The following SETBP1 variants were observed in gnomAD, a reference collection of about 807,000 sequenced individuals.
SETBP1 encodes the protein SET-binding protein.
Under a neutral mutation model 101.0 loss-of-function variants are expected in SETBP1, and 9 were observed. The observed-to-expected ratio is 0.09, with a 90% CI of 0.05 to 0.16. The LOEUF (loss-of-function observed/expected upper bound fraction) is 0.16. Ranked by LOEUF, SETBP1 falls within the 10% of genes least tolerant of loss-of-function variation. The pLI, the probability that SETBP1 is intolerant of heterozygous loss-of-function variation, is 1.00. For synonymous variants in SETBP1, 818 were observed against 788.5 expected (o/e 1.04, Z -0.63); for missense variants, 1,858 against 2,033.8 (o/e 0.91, Z 1.66).
chr18:44,870,461 G>A (rs1271602220), intron 3 of SETBP1: 1 of 152,180 alleles, frequency 6.6e-6, no homozygotes, highest in Non-Finnish European at 1.5e-5. Flanking sequence ...CACCAGTGTG[G>A]GGTGTTGTCA....
At chr18:45,028,531 T>C (rs1360401810) in intron 4 of SETBP1, among the ~76,000 whole-genome samples, 1 of 152,148 alleles carries the variant, frequency 6.6e-6, no homozygotes, top group African/African-American at 2.4e-5. Context: ...TACCCAGTAA[T>C]GGGATGGCTG....
intron 4 of SETBP1, among the ~76,000 whole-genome samples, chr18:45,034,605 T>C (rs1315547330): frequency 2.0e-5 from 3 of 152,262 alleles, no homozygotes; most frequent in Non-Finnish European, 4.4e-5. Flanking sequence ...TTAAGTTTTC[T>C]GTATTTCCTT....
intron 1 of SETBP1, among the ~76,000 whole-genome samples, chr18:44,700,723 T>C (rs1182913438): frequency 1.3e-5 from 2 of 152,138 alleles, no homozygotes; most frequent in Admixed American, 1.3e-4. Flanking sequence ...GCCTGGGGGT[T>C]GTGCTCAGCT....
intron 3 of SETBP1, among the ~76,000 whole-genome samples, chr18:44,916,749 T>A (rs1192512109): frequency 2.0e-5 from 3 of 152,244 alleles, no homozygotes; most frequent in African/African-American, 7.2e-5. Flanking sequence ...CCAACTTTGC[T>A]ATTCATTCTG....
chr18:44,753,371 C>T (rs1241484466), intron 2 of SETBP1, among the ~76,000 whole-genome samples: 2 of 152,222 alleles, frequency 1.3e-5, no homozygotes, highest in African/African-American at 2.4e-5. Flanking sequence ...TGGGAAACAT[C>T]ATTTTAAGGA....
In SETBP1 at chr18:45,015,155, G is replaced by A. The variant is rs571895246; in HGVS notation, c.4001-23330G>A. ...GTAGAAAGGAATGACCCCAAACCTG[G>A]CCAGAGCAGAAGAGGGGGAGCCTCA... On this transcript the variant is annotated intron_variant, in intron 4 of 5. Coordinates refer to ENST00000649279, the MANE Select transcript of SETBP1 (RefSeq NM_015559.3). Among the ~76,000 whole-genome samples the A allele has an allele frequency of 2.6e-5, 4 of 152,314 alleles. No individual in the cohort carries two copies. In the South Asian group the frequency reaches 6.2e-4, roughly 24 times the overall value.
At chr18:45,030,879 G>A (rs1228765534) in intron 4 of SETBP1, among the ~76,000 whole-genome samples, 1 of 151,886 alleles carries the variant, frequency 6.6e-6, no homozygotes, top group African/African-American at 2.4e-5. Context: ...ATTTTTTATT[G>A]CGTCTATTTG....
chr18:44,767,905 C>A (rs2070792579), intron 2 of SETBP1, among the ~76,000 whole-genome samples: 1 of 152,196 alleles, frequency 6.6e-6, no homozygotes, highest in Non-Finnish European at 1.5e-5. Context: ...AAAGGATAGT[C>A]CATTTTGAAA....
At chr18:45,052,202 G>A (rs757390035) in intron 5 of SETBP1, among the ~76,000 whole-genome samples, 6 of 152,182 alleles carry the variant, frequency 3.9e-5, no homozygotes, top group Non-Finnish European at 8.8e-5. Context: ...TACGAAGAGC[G>A]TTCATATAGA....
intron 4 of SETBP1, among the ~76,000 whole-genome samples, chr18:44,978,697 G>T (rs577495141): frequency 6.6e-6 from 1 of 152,274 alleles, no homozygotes; most frequent in South Asian, 2.1e-4. Context: ...ACCAACCATA[G>T]TGAGTCTTTT....
chr18:44,972,721 G>A (rs915303521), intron 4 of SETBP1, among the ~76,000 whole-genome samples: 8 of 152,100 alleles, frequency 5.3e-5, no homozygotes, highest in African/African-American at 9.7e-5. Context: ...TTTTCACATC[G>A]ATTTTGTATC....
chr18:44,880,917 A>G (rs1481824387), intron 3 of SETBP1, among the ~76,000 whole-genome samples: 1 of 152,200 alleles, frequency 6.6e-6, no homozygotes, highest in Non-Finnish European at 1.5e-5. Flanking sequence ...AACTATATCA[A>G]GCATGGTGTA....
chr18:44,992,000 T>C (rs1380398934), intron 4 of SETBP1, among the ~76,000 whole-genome samples: 1 of 152,128 alleles, frequency 6.6e-6, no homozygotes, highest in Non-Finnish European at 1.5e-5. Flanking sequence ...CCCCAAATCA[T>C]TGGAAGTTAG....
At chr18:44,747,430 T>C (rs2070280055) in intron 2 of SETBP1, among the ~76,000 whole-genome samples, 1 of 152,252 alleles carries the variant, frequency 6.6e-6, no homozygotes, top group East Asian at 1.9e-4. Flanking sequence ...AATTCTCCTT[T>C]TATTAAGAGT....
At chr18:44,929,050 T>G (rs2070766643) in intron 3 of SETBP1, among the ~76,000 whole-genome samples, 1 of 152,222 alleles carries the variant, frequency 6.6e-6, no homozygotes, top group Non-Finnish European at 1.5e-5. Flanking sequence ...CTTCTAGGGT[T>G]TTTATGGCTT....
rs1296556068 is a variant in SETBP1 at position 44,763,252 on chromosome 18, T to A, written c.486+61420T>A. 2.0e-5 allele frequency among the ~76,000 whole-genome samples: 3 copies of A among 152,252 alleles called. No individual in the cohort carries two copies. The South Asian group carries it at 6.2e-4, about 32-fold the overall frequency. Reference sequence around the variant, plus strand: ...ATAGTTGAAGTTATGAAATAGTAGGTCATAGAAGACGTTAAATGCAAGGTC... The same window carrying A: ...ATAGTTGAAGTTATGAAATAGTAGGACATAGAAGACGTTAAATGCAAGGTC... On this transcript the variant is annotated intron_variant, in intron 2 of 5. Coordinates refer to ENST00000649279, the MANE Select transcript of SETBP1 (RefSeq NM_015559.3).
At chr18:44,749,111 C>A (rs17783459) in intron 2 of SETBP1, among the ~76,000 whole-genome samples, 14,452 of 152,236 alleles carry the variant, frequency 0.095, 835 homozygotes, top group Non-Finnish European at 0.12. Flanking sequence ...ATCTCCAAGC[C>A]TTCTTCCCCC....
intron 3 of SETBP1, among the ~76,000 whole-genome samples, chr18:44,891,496 C>A (rs1326852510): frequency 6.6e-6 from 1 of 152,098 alleles, no homozygotes; most frequent in African/African-American, 2.4e-5. Context: ...TCATTATAAG[C>A]CAACCTTGGC....
chr18:45,036,832 G>A (rs1489397712), intron 4 of SETBP1, among the ~76,000 whole-genome samples: 8 of 152,190 alleles, frequency 5.3e-5, no homozygotes, highest in Non-Finnish European at 5.9e-5. Flanking sequence ...TCAGCAGACT[G>A]GGGTCATGAT....
Sources: allele counts gnomAD v4.1 joint callset (sites outside exome capture counted in the v4.1 genomes callset), GRCh38; gene constraint gnomAD v4.1.1; transcripts MANE v1.5; gene names NCBI Gene and HGNC (gene_info 2026-07-23, HGNC 2026-07-21).